CCDC192: variants seen among roughly 807,000 people sequenced by gnomAD.
CCDC192 encodes coiled-coil domain containing 192.
chr5:127,879,229 C>G (rs1311087196), intron 6 of CCDC192, among the ~76,000 whole-genome samples: 1 of 151,338 alleles, frequency 6.6e-6, no homozygotes, highest in African/African-American at 2.4e-5. Context: ...GTACTGGTAC[C>G]AAAACAGAGA....
chr5:127,844,622 A>G (rs750728932), intron 5 of CCDC192, among the ~76,000 whole-genome samples: 45 of 152,198 alleles, frequency 3.0e-4, no homozygotes, highest in Non-Finnish European at 5.9e-4. Context: ...TCCCTCTAGC[A>G]GAGACAAAGG....
intron 5 of CCDC192, among the ~76,000 whole-genome samples, chr5:127,852,489 C>A (rs897336834): frequency 3.9e-5 from 6 of 152,084 alleles, no homozygotes; most frequent in African/African-American, 1.4e-4. Flanking sequence ...TCAGGATAGC[C>A]TTCAGAGCCA....
chr5:127,937,450 T>C (rs1259533489), intron 6 of CCDC192, among the ~76,000 whole-genome samples: 1 of 152,194 alleles, frequency 6.6e-6, no homozygotes, highest in Non-Finnish European at 1.5e-5. Context: ...AGTGCCCTTA[T>C]AAGAAGAGAT....
At chr5:127,809,221 T>C (rs182477689) in intron 5 of CCDC192, among the ~76,000 whole-genome samples, 18 of 152,230 alleles carry the variant, frequency 1.2e-4, no homozygotes, top group African/African-American at 4.3e-4. Context: ...GTTAATAAGA[T>C]GCAAATGTGT....
Position 127,909,492 on chromosome 5 carries a change from T to G in CCDC192, c.536-31690T>G, listed in dbSNP as rs114391774. On this transcript the variant is annotated intron_variant, in intron 6 of 6. Transcript: ENST00000514853. ...GTTGCATTTAGGAAGAAAACAGACT[T>G]TTCCTATTTTTAACATGTTTGCTAC... is the stretch of plus-strand genomic sequence containing the variant. Among the ~76,000 whole-genome samples the G allele has an allele frequency of 3.3e-3, 500 of 152,046 alleles. 2 individuals carry two copies. The highest frequency in any genetic ancestry group is 0.012 in the African/African-American group (478 of 41,466).
intron 5 of CCDC192, among the ~76,000 whole-genome samples, chr5:127,872,450 G>A (rs758198831): frequency 2.6e-5 from 4 of 152,158 alleles, no homozygotes; most frequent in Non-Finnish European, 4.4e-5. Context: ...GGGCTGAGAT[G>A]TCCATTTACT....
intron 2 of CCDC192, among the ~76,000 whole-genome samples, chr5:127,712,474 C>T (rs2126781896): frequency 6.6e-6 from 1 of 152,346 alleles, no homozygotes; most frequent in South Asian, 2.1e-4. Context: ...TCTGCACATT[C>T]CTGTTCCTTC....
chr5:127,901,519 G>A (rs1403946968), intron 6 of CCDC192, among the ~76,000 whole-genome samples: 2 of 152,168 alleles, frequency 1.3e-5, no homozygotes, highest in Non-Finnish European at 2.9e-5. Context: ...AATTCAGAGA[G>A]TCATTAGATA....
At chr5:127,811,254 T>C (rs1374767457) in intron 5 of CCDC192, among the ~76,000 whole-genome samples, 1 of 152,160 alleles carries the variant, frequency 6.6e-6, no homozygotes, top group Non-Finnish European at 1.5e-5. Context: ...CCTCCCTTGT[T>C]GGGGCATTTT....
chr5:127,811,491 G>A (rs1758079764), intron 5 of CCDC192, among the ~76,000 whole-genome samples: 1 of 152,172 alleles, frequency 6.6e-6, no homozygotes, highest in African/African-American at 2.4e-5. Context: ...TGCTTAGATA[G>A]GAAGGCTTAA....
intron 5 of CCDC192, among the ~76,000 whole-genome samples, chr5:127,800,391 AAAAAAAAAAAC>A (rs992071435): frequency 4.3e-5 from 6 of 139,234 alleles, no homozygotes; most frequent in East Asian, 2.0e-4. Context: ...AAAAAAAAAA[AAAAAAAAAAAC>A]AACAACAACA....
intron 3 of CCDC192, chr5:127,784,596 C>A: frequency 1.7e-6 from 1 of 574,608 alleles, no homozygotes. Flanking sequence ...GACACACAGT[C>A]AGACCCTTCC....
At chr5:127,732,167 TA>T in intron 2 of CCDC192, among the ~76,000 whole-genome samples, 2 of 148,636 alleles carry the variant, frequency 1.3e-5, no homozygotes, top group Non-Finnish European at 3.0e-5. Flanking sequence ...AAAAAACCAT[TA>T]AAAAGTGGGC....
chr5:127,859,077 A>G (rs1161574916), intron 5 of CCDC192, among the ~76,000 whole-genome samples: 3 of 152,166 alleles, frequency 2.0e-5, no homozygotes, highest in African/African-American at 4.8e-5. Context: ...TCTTGTGACT[A>G]CTAATGTTCC....
chr5:127,848,175 T>C (rs1376487179), intron 5 of CCDC192, among the ~76,000 whole-genome samples: 1 of 152,186 alleles, frequency 6.6e-6, no homozygotes, highest in Non-Finnish European at 1.5e-5. Flanking sequence ...TTCTCTCTTA[T>C]GGTTGCAGTC....
chr5:127,894,500 T>G (rs1234682120), intron 6 of CCDC192, among the ~76,000 whole-genome samples: 4 of 152,182 alleles, frequency 2.6e-5, no homozygotes, highest in African/African-American at 7.2e-5. Context: ...CAATCCTATC[T>G]AATTTTAACT....
chr5:127,873,523 GCT>G (rs1751945514), intron 5 of CCDC192, among the ~76,000 whole-genome samples: 1 of 152,068 alleles, frequency 6.6e-6, no homozygotes, highest in African/African-American at 2.4e-5. Flanking sequence ...AGTGCAACTT[GCT>G]CTCATCAGCA....
intron 2 of CCDC192, among the ~76,000 whole-genome samples, chr5:127,742,386 T>G (rs952475174): frequency 6.6e-6 from 1 of 152,136 alleles, no homozygotes; most frequent in Non-Finnish European, 1.5e-5. Context: ...AGTTAAATCT[T>G]TCACAGGGTG....
chr5:127,912,253 C>T (rs1472168352), intron 6 of CCDC192, among the ~76,000 whole-genome samples: 1 of 151,662 alleles, frequency 6.6e-6, no homozygotes, highest in Non-Finnish European at 1.5e-5. Context: ...TGTCAGGAAA[C>T]AAGGAAACAA....
Sources: allele counts gnomAD v4.1 joint callset (sites outside exome capture counted in the v4.1 genomes callset), GRCh38; gene constraint gnomAD v4.1.1; transcripts MANE v1.5; gene names NCBI Gene and HGNC (gene_info 2026-07-23, HGNC 2026-07-21).